Variants in PSMC6 observed in about 807,000 individuals in gnomAD.
The protein encoded by PSMC6 is proteasome 26S subunit, ATPase 6, also known as 26S proteasome regulatory subunit 10B.
PSMC6 carries 3 observed loss-of-function variants against 55.9 expected under a neutral mutation model. That is an observed-to-expected ratio of 0.05 (90% confidence interval 0.02 to 0.14). The LOEUF is 0.14. Among genes scored for constraint, PSMC6 ranks in the 10% least tolerant of loss-of-function variants. The probability of loss-of-function intolerance (pLI) is 1.00; values close to 1 mark genes in which losing one functional copy is unlikely to be tolerated. For missense variants in PSMC6, 210 were observed against 478.7 expected (o/e 0.44, Z 5.24); for synonymous variants, 137 against 155.9 (o/e 0.88, Z 0.90).
intron 10 of PSMC6, among the ~76,000 whole-genome samples, chr14:52,719,874 A>G (rs996275159): frequency 9.9e-5 from 15 of 152,186 alleles, no homozygotes; most frequent in African/African-American, 3.4e-4. Flanking sequence ...AGAAAACTTT[A>G]GAAATTGAGG....
chr14:52,718,738 A>G (rs1360717584), intron 9 of PSMC6: 6 of 473,786 alleles, frequency 1.3e-5, no homozygotes, highest in Non-Finnish European at 2.3e-5. Flanking sequence ...GTGAGCCGAG[A>G]TCACACCACT....
chr14:52,715,074 C>T (rs1023418472), intron 7 of PSMC6, among the ~76,000 whole-genome samples: 1 of 151,106 alleles, frequency 6.6e-6, no homozygotes, highest in African/African-American at 2.4e-5. Context: ...GCATTAGTGG[C>T]ATGAAACGGT....
rs114703652 is a variant in PSMC6 at position 52,719,504 on chromosome 14, A to G, written c.777+466A>G. On this transcript the variant is annotated intron_variant, in intron 10 of 13. Coordinates refer to ENST00000445930, the MANE Select transcript of PSMC6 (RefSeq NM_002806.5). ...GATAGATGACAGAATGAAAGAATGC[A>G]CATAAAGCCTTCCTCCAGTTTTACC... Among the ~76,000 whole-genome samples, 221 of 152,194 alleles carry G rather than the reference A, an allele frequency of 1.5e-3. 1 individual carries two copies. The highest frequency in any genetic ancestry group is 5.2e-3 in the African/African-American group (216 of 41,442).
chr14:52,711,396 C>T lies in PSMC6; in HGVS notation c.327-14C>T, dbSNP rs758105927. On this transcript the variant is annotated splice_polypyrimidine_tract_variant and intron_variant, in intron 5 of 13. Coordinates refer to ENST00000445930, the MANE Select transcript of PSMC6 (RefSeq NM_002806.5). ...ATATCTTTCAAAAGAAAAATACATA[C>T]CTTTTCATTCTAGATATTTGCCGAG... 1.3e-6 allele frequency: 2 copies of T among 1,568,942 alleles called. No homozygotes were observed. Among genetic ancestry groups the T allele is most frequent in the East Asian group, 4.5e-5 (2 of 44,598 alleles).
intron 12 of PSMC6, chr14:52,722,334 G>C (rs1311263560): frequency 6.6e-6 from 1 of 151,598 alleles, no homozygotes; most frequent in Non-Finnish European, 1.5e-5. Flanking sequence ...GGAGTTGGCA[G>C]AGTTTTCTAT....
At chr14:52,711,001 A>G in intron 4 of PSMC6, 100 bp from the exon 5 acceptor site, 2 of 817,718 alleles carry the variant, frequency 2.4e-6, no homozygotes, top group Non-Finnish European at 4.1e-6. Context: ...TTCTCTCTGG[A>G]GGGTAAAAAT....
In PSMC6 at chr14:52,718,584, C is replaced by T. The variant is rs2041855973; in HGVS notation, c.715+232C>T. 4 of 446,464 alleles carry T rather than the reference C, an allele frequency of 9.0e-6. No individual in the cohort carries two copies. The South Asian group carries it at 9.7e-5, about 11-fold the overall frequency. The allele number at this position is 446,464 out of a possible 1,614,324, so 27.7% of individuals were successfully genotyped here. ...TGGGCAGATCACCAGGTCAGGAGAT[C>T]GAGACCATCTGGCCAACATGGTGAA... On this transcript the variant is annotated intron_variant, in intron 9 of 13. Transcript: ENST00000445930.
At chr14:52,716,818 G>A (rs1052907667) in intron 7 of PSMC6, among the ~76,000 whole-genome samples, 19 of 152,134 alleles carry the variant, frequency 1.2e-4, no homozygotes, top group African/African-American at 4.3e-4. Flanking sequence ...CTTAAAAAAG[G>A]AAACTCTGTC....
At position 52,721,335 on chromosome 14, in the gene PSMC6, A is replaced by G. The variant is rs1474719955; in HGVS notation, c.979+145A>G. On this transcript the variant is annotated intron_variant, in intron 12 of 13. Transcript: ENST00000445930. ...TTCAGCAAATAGTTATTGAGCATCT[A>G]CTATAAGCTAGGAACCATTGTAAGT... The G allele has an allele frequency of 7.3e-6, 5 of 681,574 alleles. No individual in the cohort carries two copies. In the Admixed American group the frequency reaches 1.7e-4, roughly 24 times the overall value. 42.2% of individuals were successfully genotyped at this position (681,574 alleles called of 1,614,324 possible).
chr14:52,708,339 A>T lies in PSMC6; in HGVS notation c.116A>T (p.Gln39Leu). Reference protein sequence around the residue: ...LREQLKELTKQYEKSENDLKA... With the variant: ...LREQLKELTKLYEKSENDLKA... ...GAACAATTAAAAGAACTTACCAAGC[A>T]GTATGAAAAGTCTGAAAATGATCTG... Residue 39 changes from glutamine (Q) to leucine (L), a missense_variant, in exon 2 of 14, where the codon CAG (glutamine) becomes CTG (leucine). Coordinates refer to ENST00000445930, the MANE Select transcript of PSMC6 (RefSeq NM_002806.5). 1 of 1,612,834 alleles carries T rather than the reference A, an allele frequency of 6.2e-7. No homozygotes were observed. The highest frequency in any genetic ancestry group is 8.5e-7 in the Non-Finnish European group (1 of 1,178,818).
chr14:52,727,256 C>A (rs1880460528), intron 13 of PSMC6, among the ~76,000 whole-genome samples: 1 of 150,362 alleles, frequency 6.7e-6, no homozygotes, highest in Non-Finnish European at 1.5e-5. Context: ...GTCTTAATCT[C>A]TTGACATTGC....
intron 13 of PSMC6, among the ~76,000 whole-genome samples, chr14:52,724,449 G>A (rs1594855061): frequency 1.3e-5 from 2 of 152,284 alleles, no homozygotes; most frequent in East Asian, 1.9e-4. Context: ...ATAGAACACT[G>A]GCCCCCTAAA....
chr14:52,719,414 T>C (rs2041865047), intron 10 of PSMC6, among the ~76,000 whole-genome samples: 3 of 152,196 alleles, frequency 2.0e-5, no homozygotes, highest in Non-Finnish European at 4.4e-5. Flanking sequence ...GCTCTAAAAA[T>C]TATTTTTTTC....
At chr14:52,726,796 T>TA (rs1880433378) in intron 13 of PSMC6, among the ~76,000 whole-genome samples, 1 of 151,330 alleles carries the variant, frequency 6.6e-6, no homozygotes, top group South Asian at 2.1e-4. Flanking sequence ...TGCCCACTAC[T>TA]ACGCCCAGCT....
chr14:52,711,185 A>G lies in PSMC6; in HGVS notation c.326+17A>G, dbSNP rs750053898. On this transcript the variant is annotated intron_variant, in intron 5 of 13. Coordinates refer to ENST00000445930, the MANE Select transcript of PSMC6 (RefSeq NM_002806.5). The stretch of plus-strand genomic sequence containing the variant: ...TATCATGAGGTGGGTTTCTTATTCT[A>G]TTTAGTTCACCTTTTATTTTCACAA... The G allele has an allele frequency of 5.6e-6, 9 of 1,599,132 alleles. No individual in the cohort carries two copies. The highest frequency in any genetic ancestry group is 6.9e-6 in the Non-Finnish European group (8 of 1,167,432).
intron 12 of PSMC6, 58 bp from the exon 13 acceptor site, chr14:52,723,907 C>A: frequency 6.3e-7 from 1 of 1,595,878 alleles, no homozygotes; most frequent in Non-Finnish European, 8.5e-7. Context: ...TCGATGTGGG[C>A]ATAAATCAAG....
chr14:52,718,543 C>CT (rs2041855347), intron 9 of PSMC6, 191 bp downstream of exon 9: 2 of 566,284 alleles, frequency 3.5e-6, no homozygotes, highest in Non-Finnish European at 5.9e-6. Flanking sequence ...AATCCCAGCA[C>CT]TTTGAGAGGC....
chr14:52,710,649 T>G, intron 4 of PSMC6: 1 of 180,516 alleles, frequency 5.5e-6, no homozygotes, highest in Non-Finnish European at 1.1e-5. Context: ...TTAATAAAAA[T>G]CTCTAAGGGG....
chr14:52,709,637 G>A (rs983626938), intron 4 of PSMC6: 5 of 450,166 alleles, frequency 1.1e-5, no homozygotes, highest in African/African-American at 8.1e-5. Flanking sequence ...GGACAAGACT[G>A]TATTTGAAGA....
Sources: allele counts gnomAD v4.1 joint callset (sites outside exome capture counted in the v4.1 genomes callset), GRCh38; gene constraint gnomAD v4.1.1; transcripts MANE v1.5; gene names NCBI Gene and HGNC (gene_info 2026-07-23, HGNC 2026-07-21).